CNTNAP5: variants seen among roughly 807,000 people sequenced by gnomAD.
CNTNAP5 encodes contactin associated protein family member 5.
Under a neutral mutation model 150.2 loss-of-function variants are expected in CNTNAP5, and 72 were observed. The observed-to-expected ratio is 0.48, with a 90% confidence interval of 0.40 to 0.58. The LOEUF (loss-of-function observed/expected upper bound fraction) is 0.58. Ranked by LOEUF, CNTNAP5 falls within the 20% of genes least tolerant of loss-of-function variation. CNTNAP5 has a pLI of 0.00. For synonymous variants in CNTNAP5, 672 were observed against 619.8 expected, an observed-to-expected ratio of 1.08 and a Z score of -1.25; for missense variants, 1,636 against 1,626.2, an observed-to-expected ratio of 1.01 and a Z score of -0.10.
Position 124,277,184 on chromosome 2 carries a change from A to G in CNTNAP5, c.381+34791A>G, listed in dbSNP as rs559884070. Among the ~76,000 whole-genome samples the G allele has an allele frequency of 2.0e-5, 3 of 152,302 alleles. No individual in the cohort carries two copies. In the South Asian group the frequency reaches 6.2e-4, roughly 32 times the overall value. ...GAATGCCTGCTAGTGAGGACTTTAT[A>G]CTTTGACCTGGGGTTTGTTTCTCTA... On this transcript the variant is annotated intron_variant, in intron 3 of 23. Transcript: ENST00000682447.
chr2:124,401,968 A>T (rs979710201), intron 3 of CNTNAP5, among the ~76,000 whole-genome samples: 2 of 152,132 alleles, frequency 1.3e-5, no homozygotes, highest in African/African-American at 4.8e-5. Context: ...TTACTGAGTA[A>T]CTTCTGCTGA....
At chr2:124,081,744 C>T (rs1380545349) in intron 1 of CNTNAP5, among the ~76,000 whole-genome samples, 1 of 152,132 alleles carries the variant, frequency 6.6e-6, no homozygotes, top group African/African-American at 2.4e-5. Flanking sequence ...AAAGGATCCA[C>T]TCATTCCTTA....
intron 19 of CNTNAP5, among the ~76,000 whole-genome samples, chr2:124,834,680 T>C (rs1682792275): frequency 6.6e-6 from 1 of 152,030 alleles, no homozygotes; most frequent in Non-Finnish European, 1.5e-5. Context: ...GGGAGCTCTA[T>C]AGTCAAGTGC....
chr2:124,904,461 C>A (rs1245586401), intron 22 of CNTNAP5, among the ~76,000 whole-genome samples: 3 of 151,896 alleles, frequency 2.0e-5, no homozygotes, highest in African/African-American at 7.3e-5. Context: ...CATCTCACTC[C>A]CTGATTTCAA....
At chr2:124,548,122 A>G (rs1268776506) in intron 10 of CNTNAP5, among the ~76,000 whole-genome samples, 2 of 152,218 alleles carry the variant, frequency 1.3e-5, no homozygotes, top group South Asian at 2.1e-4. Flanking sequence ...GGGAAAAAAC[A>G]TTAATTGTGG....
intron 2 of CNTNAP5, among the ~76,000 whole-genome samples, chr2:124,230,355 A>T (rs1255973926): frequency 6.6e-6 from 1 of 152,082 alleles, no homozygotes. Context: ...TTACAAGGGA[A>T]AATCCTGGGA....
intron 1 of CNTNAP5, among the ~76,000 whole-genome samples, chr2:124,074,795 C>A (rs1308945318): frequency 2.0e-5 from 3 of 152,136 alleles, no homozygotes; most frequent in African/African-American, 7.2e-5. Context: ...TATTCATCAT[C>A]ATCATCATTA....
intron 10 of CNTNAP5, among the ~76,000 whole-genome samples, chr2:124,531,797 T>G (rs955464145): frequency 6.6e-6 from 1 of 152,158 alleles, no homozygotes; most frequent in Non-Finnish European, 1.5e-5. Flanking sequence ...GTAACCCCAT[T>G]TTCCAATTGT....
At position 124,639,354 on chromosome 2, in the gene CNTNAP5, T is replaced by C. The variant is rs181175780; in HGVS notation, c.1877-8404T>C. Among the ~76,000 whole-genome samples the C allele has an allele frequency of 2.8e-3, 421 of 152,300 alleles. 2 individuals carry two copies. Among genetic ancestry groups the C allele is most frequent in the African/African-American group, 9.5e-3 (396 of 41,574 alleles). ...GTAGAGATGTCAGCTGAAAGAAAGATGAGTAATTCTGCTCTTGTCTCTGAG... is the reference window on the plus strand; with the variant it reads ...GTAGAGATGTCAGCTGAAAGAAAGACGAGTAATTCTGCTCTTGTCTCTGAG... On this transcript the variant is annotated intron_variant, in intron 12 of 23. Coordinates refer to ENST00000682447, the MANE Select transcript of CNTNAP5 (RefSeq NM_001367498.1).
chr2:124,403,899 G>C (rs1253438447), intron 3 of CNTNAP5, among the ~76,000 whole-genome samples: 1 of 152,132 alleles, frequency 6.6e-6, no homozygotes, highest in Non-Finnish European at 1.5e-5. Context: ...ATGTGCAGGG[G>C]AACTGCCCTT....
At chr2:124,794,094 G>A (rs558087214) in intron 18 of CNTNAP5, among the ~76,000 whole-genome samples, 11 of 152,168 alleles carry the variant, frequency 7.2e-5, no homozygotes, top group Admixed American at 3.9e-4. Context: ...TTCTATGTAA[G>A]TCACCAATAT....
intron 8 of CNTNAP5, among the ~76,000 whole-genome samples, chr2:124,514,880 C>T (rs1032457179): frequency 6.6e-6 from 1 of 152,128 alleles, no homozygotes; most frequent in African/African-American, 2.4e-5. Context: ...TGGTCAGGGA[C>T]CCCAGAGTTT....
At chr2:124,556,107 G>A (rs1021763784) in intron 10 of CNTNAP5, among the ~76,000 whole-genome samples, 1 of 152,188 alleles carries the variant, frequency 6.6e-6, no homozygotes, top group Non-Finnish European at 1.5e-5. Flanking sequence ...TGCCTCAGAT[G>A]TAGGCTTAGG....
In CNTNAP5 at chr2:124,860,493, TTCCTTCCTTCTTTCC is replaced by T. The variant is rs1558803932; in HGVS notation, c.3218-4811_3218-4797del. Among the ~76,000 whole-genome samples the T allele has an allele frequency of 7.7e-3, 833 of 108,558 alleles. 45 individuals are homozygous for T. Among genetic ancestry groups the T allele is most frequent in the East Asian group, 0.068 (273 of 4,012 alleles). 71.2% of individuals were successfully genotyped at this position (108,558 alleles called of 152,430 possible). ...CTTCCTTCCTTCCTTCCTTCCTTCC[TTCCTTCCTTCTTTCC>T]TTCCTTCCTTCCTTCCTTCCTTCCT... On this transcript the variant is annotated intron_variant, in intron 19 of 23. Coordinates refer to ENST00000682447, the MANE Select transcript of CNTNAP5 (RefSeq NM_001367498.1).
chr2:124,198,439 C>T (rs1032635858), intron 1 of CNTNAP5, among the ~76,000 whole-genome samples: 2 of 151,660 alleles, frequency 1.3e-5, no homozygotes, highest in African/African-American at 4.8e-5. Context: ...ATTTTAGAAT[C>T]AAGCGGTACA....
intron 7 of CNTNAP5, among the ~76,000 whole-genome samples, chr2:124,491,563 G>A (rs576211135): frequency 4.5e-4 from 69 of 152,104 alleles, no homozygotes; most frequent in African/African-American, 1.4e-3. Context: ...ATGAGAGTGC[G>A]CATATCTCTT....
chr2:124,645,891 C>T (rs181813725), intron 12 of CNTNAP5, among the ~76,000 whole-genome samples: 4 of 152,108 alleles, frequency 2.6e-5, no homozygotes, highest in African/African-American at 4.8e-5. Flanking sequence ...GCAGTTCAGA[C>T]GGCAAGAGCA....
At chr2:124,340,939 G>T (rs910591060) in intron 3 of CNTNAP5, among the ~76,000 whole-genome samples, 2 of 149,094 alleles carry the variant, frequency 1.3e-5, no homozygotes, top group African/African-American at 4.9e-5. Context: ...AGGTGGGAAG[G>T]GTGGTGTGCA....
At chr2:124,499,028 G>A (rs1398094439) in intron 7 of CNTNAP5, among the ~76,000 whole-genome samples, 2 of 152,150 alleles carry the variant, frequency 1.3e-5, no homozygotes, top group African/African-American at 4.8e-5. Context: ...TGGGAAAAGG[G>A]AGAAACAATA....
Sources: gnomAD v4.1 joint callset for allele counts (sites outside exome capture counted in the v4.1 genomes callset) on GRCh38, gnomAD v4.1.1 for gene constraint, MANE v1.5 for transcripts, NCBI Gene and HGNC (gene_info 2026-07-23, HGNC 2026-07-21) for gene names.